The following MTHFD2L variants were observed in gnomAD, a reference collection of about 807,000 sequenced individuals.
MTHFD2L encodes methylenetetrahydrofolate dehydrogenase (NADP+ dependent) 2 like, also known as bifunctional methylenetetrahydrofolate dehydrogenase/cyclohydrolase 2, mitochondrial.
In MTHFD2L, 29 loss-of-function variants were observed where a neutral mutation model predicts 34.9. The observed-to-expected ratio is 0.83, with a 90% CI of 0.62 to 1.13. The LOEUF (loss-of-function observed/expected upper bound fraction) is 1.13, where lower values mean the gene tolerates loss of function less well. MTHFD2L is among the 50% of genes most tolerant of loss of function. The pLI is 0.00. For synonymous variants in MTHFD2L, 167 were observed against 155.7 expected (o/e 1.07, Z -0.54); for missense variants, 481 against 446.5 (o/e 1.08, Z -0.70).
intron 6 of MTHFD2L, among the ~76,000 whole-genome samples, chr4:74,263,093 A>G (rs1177962690): frequency 6.6e-6 from 1 of 151,762 alleles, no homozygotes; most frequent in Non-Finnish European, 1.5e-5. Context: ...AATCCTATAT[A>G]TATATGTGTA....
chr4:74,240,179 T>G (rs1741493148), intron 6 of MTHFD2L, among the ~76,000 whole-genome samples: 3 of 152,196 alleles, frequency 2.0e-5, no homozygotes, highest in Non-Finnish European at 2.9e-5. Context: ...TTTTGAGCAG[T>G]TTGGAAAGAA....
intron 1 of MTHFD2L, among the ~76,000 whole-genome samples, chr4:74,134,329 C>T (rs984157982): frequency 1.3e-5 from 2 of 152,100 alleles, no homozygotes; most frequent in African/African-American, 4.8e-5. Flanking sequence ...GGGAACACAC[C>T]CGTGGCCGGC....
intron 6 of MTHFD2L, among the ~76,000 whole-genome samples, chr4:74,252,415 A>G (rs891978147): frequency 1.3e-5 from 2 of 152,186 alleles, no homozygotes; most frequent in African/African-American, 4.8e-5. Flanking sequence ...CTTGACAAAC[A>G]GAAAACCTGA....
intron 1 of MTHFD2L, among the ~76,000 whole-genome samples, chr4:74,132,854 A>G (rs967047975): frequency 3.3e-5 from 5 of 152,102 alleles, no homozygotes; most frequent in Non-Finnish European, 5.9e-5. Flanking sequence ...TGTTGTCGCT[A>G]TTATTGTTTT....
intron 6 of MTHFD2L, among the ~76,000 whole-genome samples, chr4:74,278,374 A>T (rs1433718289): frequency 2.6e-5 from 4 of 152,142 alleles, no homozygotes; most frequent in Non-Finnish European, 5.9e-5. Context: ...TCTTCTTGAT[A>T]CTTAGAATCC....
chr4:74,272,686 C>T (rs1746145205), intron 6 of MTHFD2L, among the ~76,000 whole-genome samples: 1 of 152,028 alleles, frequency 6.6e-6, no homozygotes, highest in Non-Finnish European at 1.5e-5. Context: ...TGTGCCAAGT[C>T]CCTTTCAAAA....
At chr4:74,140,567 C>CA in intron 1 of MTHFD2L, 2 of 978,234 alleles carry the variant, frequency 2.0e-6, no homozygotes, top group Non-Finnish European at 1.2e-6. Context: ...GGCTATACTA[C>CA]AAAAAAGGCA....
At chr4:74,289,261 G>A (rs980930441) in intron 7 of MTHFD2L, among the ~76,000 whole-genome samples, 1 of 152,174 alleles carries the variant, frequency 6.6e-6, no homozygotes, top group Admixed American at 6.6e-5. Flanking sequence ...AGGTGGTCAG[G>A]GAAGGCTTAT....
chr4:74,200,524 A>C (rs537405529), intron 4 of MTHFD2L, among the ~76,000 whole-genome samples: 2 of 152,298 alleles, frequency 1.3e-5, no homozygotes, highest in Non-Finnish European at 2.9e-5. Context: ...CTTTAAAAAT[A>C]TGTTCTGATC....
At chr4:74,234,796 A>AGT (rs139133412) in intron 6 of MTHFD2L, among the ~76,000 whole-genome samples, 2,471 of 149,516 alleles carry the variant, frequency 0.017, 47 homozygotes, top group Admixed American at 0.037. Context: ...AAAAGGAGAC[A>AGT]GTGTGTGTGT....
At chr4:74,284,227 G>A (rs1747856528) in intron 7 of MTHFD2L, among the ~76,000 whole-genome samples, 1 of 152,138 alleles carries the variant, frequency 6.6e-6, no homozygotes, top group African/African-American at 2.4e-5. Flanking sequence ...CAATGTCCCA[G>A]AGGATGTAAA....
chr4:74,248,125 T>A (rs1378139906), intron 6 of MTHFD2L, among the ~76,000 whole-genome samples: 1 of 151,506 alleles, frequency 6.6e-6, no homozygotes, highest in Non-Finnish European at 1.5e-5. Context: ...TCTTTTTGGT[T>A]GGTAAGCTAT....
At position 74,202,021 on chromosome 4, in the gene MTHFD2L, C is replaced by T. The variant is rs557177050; in HGVS notation, c.712+651C>T. 4.0e-4 allele frequency among the ~76,000 whole-genome samples: 61 copies of T among 152,282 alleles called. 1 individual carries two copies. In the Middle Eastern group the frequency reaches 0.014, roughly 34 times the overall value. ...GTCTGTCCCACAGACCCTGACCCAA[C>T]GATGGATGAATAAAGTACACTGACA... On this transcript the variant is annotated intron_variant, in intron 5 of 7. Coordinates refer to ENST00000325278, the MANE Select transcript of MTHFD2L (RefSeq NM_001144978.3).
At chr4:74,163,988 G>C (rs1277495505) in intron 1 of MTHFD2L, among the ~76,000 whole-genome samples, 1 of 152,152 alleles carries the variant, frequency 6.6e-6, no homozygotes, top group Admixed American at 6.5e-5. Flanking sequence ...CCATTCTCCT[G>C]CCTCAGTCTC....
chr4:74,155,677 AT>A (rs939891401), upstream of MTHFD2L, among the ~76,000 whole-genome samples: 44 of 152,052 alleles, frequency 2.9e-4, no homozygotes, highest in African/African-American at 1.1e-3. Context: ...AGAACATTAG[AT>A]TTTTAAAATC....
chr4:74,153,976 A>G (rs1044925135), upstream of MTHFD2L, among the ~76,000 whole-genome samples: 3 of 152,132 alleles, frequency 2.0e-5, no homozygotes, highest in East Asian at 1.9e-4. Flanking sequence ...CCAGGATCCA[A>G]TCCAAGATAT....
At chr4:74,243,314 C>T (rs1259996451) in intron 6 of MTHFD2L, among the ~76,000 whole-genome samples, 5 of 152,200 alleles carry the variant, frequency 3.3e-5, no homozygotes, top group Admixed American at 1.3e-4. Flanking sequence ...TCCCTGAGTA[C>T]AGGAACTCTG....
chr4:74,182,832 C>T (rs192097353), intron 3 of MTHFD2L: 3 of 152,200 alleles, frequency 2.0e-5, no homozygotes, highest in Admixed American at 6.5e-5. Context: ...TCCTCCTTCA[C>T]TTCTGTTTCT....
At chr4:74,245,194 C>CAAAAAA (rs57639523) in intron 6 of MTHFD2L, among the ~76,000 whole-genome samples, 7 of 66,382 alleles carry the variant, frequency 1.1e-4, no homozygotes, top group Non-Finnish European at 1.3e-4. Context: ...GACTCAGTCT[C>CAAAAAA]AAAAAAAAAA....
Sources: gnomAD v4.1 joint callset for allele counts (sites outside exome capture counted in the v4.1 genomes callset) on GRCh38, gnomAD v4.1.1 for gene constraint, MANE v1.5 for transcripts, NCBI Gene and HGNC (gene_info 2026-07-23, HGNC 2026-07-21) for gene names.